Variants in PCDH15 observed in about 807,000 individuals in gnomAD.
PCDH15 encodes the protein protocadherin related 15, also known as protocadherin-15.
PCDH15 carries 129 observed loss-of-function variants against 178.5 expected under a neutral mutation model. The observed-to-expected ratio is 0.72, with a 90% CI of 0.63 to 0.84. PCDH15 has a LOEUF of 0.84. Among genes scored for constraint, PCDH15 ranks in the 40% least tolerant of loss-of-function variants. The probability of loss-of-function intolerance (pLI) is 0.00; values close to 1 mark genes in which losing one functional copy is unlikely to be tolerated. For missense variants in PCDH15, 2,230 were observed against 2,099.9 expected, an observed-to-expected ratio of 1.06 and a Z score of -1.21; for synonymous variants, 800 against 732.0, an observed-to-expected ratio of 1.09 and a Z score of -1.50.
rs2054396425 is a variant in PCDH15, at chr10:54,234,307, A to G, written c.985+2516T>C. Among the ~76,000 whole-genome samples the G allele has an allele frequency of 1.3e-5, 2 of 152,236 alleles. 1 individual carries two copies. Among genetic ancestry groups the G allele is most frequent in the South Asian group, 4.1e-4 (2 of 4,828 alleles). On this transcript the variant is annotated intron_variant, in intron 9 of 37. Transcript: ENST00000644397. ...TGTATTGAGCATTAACTTTTTTTCCAGGCAGCATTATGTACATTTACAATG... is the reference window on the plus strand; with the variant it reads ...TGTATTGAGCATTAACTTTTTTTCCGGGCAGCATTATGTACATTTACAATG...
chr10:54,118,799 G>C (rs2095163881), intron 15 of PCDH15, among the ~76,000 whole-genome samples: 1 of 150,340 alleles, frequency 6.7e-6, no homozygotes, highest in South Asian at 2.1e-4. Context: ...TCAAAATGAT[G>C]AATTAGAGAC....
At chr10:55,217,045 T>C (rs1413026548) in intron 1 of PCDH15, among the ~76,000 whole-genome samples, 2 of 151,908 alleles carry the variant, frequency 1.3e-5, no homozygotes, top group African/African-American at 2.4e-5. Context: ...GGAACATACA[T>C]GCAACATATA....
At chr10:55,508,297 T>G (rs1840804719) in intron 2 of PCDH15, among the ~76,000 whole-genome samples, 2 of 151,702 alleles carry the variant, frequency 1.3e-5, no homozygotes, top group Admixed American at 1.3e-4. Context: ...TTTTTTACCC[T>G]TTCATATATT....
At chr10:54,327,675 A>C (rs1261035902) in intron 7 of PCDH15, among the ~76,000 whole-genome samples, 1 of 151,856 alleles carries the variant, frequency 6.6e-6, no homozygotes, top group Non-Finnish European at 1.5e-5. Context: ...ACATTTTTTC[A>C]TGTTAACTTC....
chr10:54,862,362 A>G (rs1213011208), intron 3 of PCDH15, among the ~76,000 whole-genome samples: 18 of 152,256 alleles, frequency 1.2e-4, no homozygotes, highest in Admixed American at 1.2e-3. Flanking sequence ...AAGTACAACA[A>G]TATAAAACCT....
At chr10:55,621,897 T>C (rs1233865983) in intron 2 of PCDH15, among the ~76,000 whole-genome samples, 1 of 150,196 alleles carries the variant, frequency 6.7e-6, no homozygotes, top group Non-Finnish European at 1.5e-5. Flanking sequence ...ATTTTCTGAT[T>C]TGAAGAATGT....
At chr10:54,124,347 G>T (rs917692009) in intron 15 of PCDH15, among the ~76,000 whole-genome samples, 2 of 152,142 alleles carry the variant, frequency 1.3e-5, no homozygotes, top group Non-Finnish European at 1.5e-5. Flanking sequence ...GGTGTTTGGG[G>T]AGTTAGTGTT....
intron 2 of PCDH15, among the ~76,000 whole-genome samples, chr10:55,423,531 C>T (rs562419866): frequency 6.6e-6 from 1 of 152,032 alleles, no homozygotes; most frequent in South Asian, 2.1e-4. Flanking sequence ...AGAAAGCACA[C>T]TATTTCCAGA....
At position 55,291,500 on chromosome 10, in the gene PCDH15, C is replaced by CATTTT. The variant is rs533266567; in HGVS notation, c.-156+28098_-156+28099insAAAAT. On this transcript the variant is annotated intron_variant, in intron 1 of 5. Transcript: ENST00000458638. ...TCTGTTATACAATTTAAAAGATCAA[C>CATTTT]TGAAATGAGAAATGGAAAGAATGTT... 2.8e-4 allele frequency among the ~76,000 whole-genome samples: 42 copies of CATTTT among 152,134 alleles called. No individual in the cohort carries two copies. The South Asian group carries it at 6.0e-3, about 22-fold the overall frequency.
chr10:55,581,767 T>A (rs1263181276), intron 2 of PCDH15, among the ~76,000 whole-genome samples: 1 of 152,108 alleles, frequency 6.6e-6, no homozygotes, highest in Non-Finnish European at 1.5e-5. Context: ...GAAGGTCCAG[T>A]AATTAAATAA....
intron 2 of PCDH15, among the ~76,000 whole-genome samples, chr10:55,072,257 C>T (rs906863565): frequency 1.3e-5 from 2 of 152,036 alleles, no homozygotes; most frequent in African/African-American, 4.8e-5. Context: ...CAGAGCAGAA[C>T]TGAAGGAAAT....
intron 13 of PCDH15, among the ~76,000 whole-genome samples, chr10:54,182,638 C>T (rs569560492): frequency 6.6e-6 from 1 of 151,678 alleles, no homozygotes; most frequent in African/African-American, 2.4e-5. Context: ...TCAAAGTTAC[C>T]ATTTACTATC....
chr10:55,088,722 T>G (rs1842241000), intron 2 of PCDH15, among the ~76,000 whole-genome samples: 1 of 152,158 alleles, frequency 6.6e-6, no homozygotes, highest in Admixed American at 6.6e-5. Context: ...AGCATAAGGT[T>G]AATGAGCCTA....
At chr10:55,056,853 C>T (rs1401153823) in intron 2 of PCDH15, among the ~76,000 whole-genome samples, 1 of 151,802 alleles carries the variant, frequency 6.6e-6, no homozygotes, top group Non-Finnish European at 1.5e-5. Flanking sequence ...AGGCTGGTCT[C>T]AAACTCCTGA....
chr10:54,193,061 A>G (rs2049193434), intron 11 of PCDH15, among the ~76,000 whole-genome samples: 1 of 152,164 alleles, frequency 6.6e-6, no homozygotes. Flanking sequence ...ACTGCCAAAA[A>G]CACTTCAGAG....
At chr10:54,711,501 G>T (rs746054744) in intron 1 of PCDH15, among the ~76,000 whole-genome samples, 1 of 151,828 alleles carries the variant, frequency 6.6e-6, no homozygotes, top group Non-Finnish European at 1.5e-5. Context: ...TAAGGACAAC[G>T]TACAAAATCA....
chr10:55,238,212 C>G (rs1005735129), intron 1 of PCDH15, among the ~76,000 whole-genome samples: 3 of 146,772 alleles, frequency 2.0e-5, no homozygotes, highest in East Asian at 2.0e-4. Flanking sequence ...CACAGTGGCG[C>G]GATCTCGGCT....
intron 10 of PCDH15, among the ~76,000 whole-genome samples, chr10:54,211,760 G>A (rs2051464539): frequency 6.6e-6 from 1 of 152,056 alleles, no homozygotes; most frequent in South Asian, 2.1e-4. Flanking sequence ...GAGAGAGAGA[G>A]AGAAGAAATT....
At chr10:55,104,746 G>T (rs974259037) in intron 2 of PCDH15, among the ~76,000 whole-genome samples, 1 of 152,080 alleles carries the variant, frequency 6.6e-6, no homozygotes, top group African/African-American at 2.4e-5. Flanking sequence ...ATAATTTCAT[G>T]ACTTCTTTTT....
Sources: allele counts gnomAD v4.1 joint callset (sites outside exome capture counted in the v4.1 genomes callset), GRCh38; gene constraint gnomAD v4.1.1; transcripts MANE v1.5; gene names NCBI Gene and HGNC (gene_info 2026-07-23, HGNC 2026-07-21).